EPHB4: variants seen among roughly 807,000 people sequenced by gnomAD.
EPHB4 encodes EPH receptor B4, also known as ephrin type-B receptor 4.
A neutral mutation model predicts 110.6 loss-of-function variants in EPHB4; 50 were observed. The observed-to-expected ratio is 0.45, with a 90% CI of 0.36 to 0.57. EPHB4 has a LOEUF of 0.57. Among genes scored for constraint, EPHB4 ranks in the 20% least tolerant of loss-of-function variants. The probability of loss-of-function intolerance (pLI) is 0.00; values close to 1 mark genes in which losing one functional copy is unlikely to be tolerated. For synonymous variants in EPHB4, 592 were observed against 578.4 expected, an observed-to-expected ratio of 1.02 and a Z score of -0.34; for missense variants, 1,128 against 1,382.1, an observed-to-expected ratio of 0.82 and a Z score of 2.91.
intron 8 of EPHB4, among the ~76,000 whole-genome samples, chr7:100,815,757 C>T (rs1216271320): frequency 6.6e-6 from 1 of 152,068 alleles, no homozygotes; most frequent in South Asian, 2.1e-4. Flanking sequence ...GAGGCCGATG[C>T]GGGAGGATTG....
rs564441572 is a variant in EPHB4 at position 100,819,179 on chromosome 7, C to G, written c.1297+378G>C. 7.2e-5 allele frequency among the ~76,000 whole-genome samples: 11 copies of G among 152,314 alleles called. No individual in the cohort carries two copies. In the South Asian group the frequency reaches 2.3e-3, roughly 32 times the overall value. On this transcript the variant is annotated intron_variant, in intron 6 of 16. Coordinates refer to ENST00000358173, the MANE Select transcript of EPHB4 (RefSeq NM_004444.5). ...CCAGGCTGGCATGCAGCGGTGCGAT[C>G]ATAGCTCACTGCAGCCTCCGACTCC...
At position 100,805,612 on chromosome 7, in the gene EPHB4, C is replaced by G; in HGVS notation, c.2567G>C (p.Cys856Ser). The G allele has an allele frequency of 1.9e-6, 3 of 1,564,334 alleles. No homozygotes were observed. The highest frequency in any genetic ancestry group is 2.6e-6 in the Non-Finnish European group (3 of 1,156,072). ...PTSLHQLMLD[C>S]WQKDRNARPR... ...CCGGGCATTCCGGTCTTTCTGCCAA[C>G]AGTCCAGCATGAGCTGGTGGAGGGA... is the stretch of plus-strand genomic sequence containing the variant. Residue 856 changes from cysteine to serine, a missense_variant, in exon 15 of 17, where the codon TGT (cysteine) becomes TCT (serine). Cys to Ser is a moderately radical substitution (Grantham distance 112). Around this residue, in one of 3 missense-constraint regions of EPHB4, gnomAD observed 209 missense variants for 240.5 expected, o/e 0.87. Transcript: ENST00000358173.
At chr7:100,820,883 T>G (rs925152747) in intron 4 of EPHB4, 1 of 151,820 alleles carries the variant, frequency 6.6e-6, no homozygotes, top group African/African-American at 2.4e-5. Context: ...TTTTTTTTTT[T>G]CCTGAGAAGG....
chr7:100,822,208 T>C lies in EPHB4; in HGVS notation c.808+63A>G. On this transcript the variant is annotated intron_variant, in intron 4 of 16. Transcript: ENST00000358173. The surrounding 1 kb of genome is among the most constrained non-coding windows in gnomAD (Gnocchi z 4.7). ...AAATGGAAACTTAAGAAGTGGGTCC[T>C]GAGTGGAGTTCAGGACTCTCCCCCG... The C allele has an allele frequency of 6.7e-7, 1 of 1,500,804 alleles. No individual in the cohort carries two copies. The highest frequency in any genetic ancestry group is 8.9e-7 in the Non-Finnish European group (1 of 1,125,428). The allele number at this position is 1,500,804 out of a possible 1,614,324, so 93.0% of individuals were successfully genotyped here.
Position 100,823,440 on chromosome 7 carries a change from G to A in EPHB4, c.411+204C>T, listed in dbSNP as rs60141004. On this transcript the variant is annotated intron_variant, in intron 3 of 16. Coordinates refer to ENST00000358173, the MANE Select transcript of EPHB4 (RefSeq NM_004444.5). ...GAAGCCTGACCCTTGGGCCTCCCTG[G>A]GGGCCGGGCCAGGCAGCCCCCGTAT... Among the ~76,000 whole-genome samples the A allele has an allele frequency of 9.2e-3, 1,394 of 152,250 alleles. 21 individuals are homozygous for A. Among genetic ancestry groups the A allele is most frequent in the African/African-American group, 0.032 (1,333 of 41,540 alleles).
rs370384624 is a variant in EPHB4 at position 100,805,329 on chromosome 7, G to T, written c.2679-8C>A. ...AGGAGAGGGTGTGAGGCCCTAGGGG[G>T]CAAGGATGGGGAGGAATGCTGAGTA... On this transcript the variant is annotated splice_region_variant and splice_polypyrimidine_tract_variant and intron_variant, in intron 15 of 16. Coordinates refer to ENST00000358173, the MANE Select transcript of EPHB4 (RefSeq NM_004444.5). 2.2e-5 allele frequency: 36 copies of T among 1,613,544 alleles called. No homozygotes were observed. Among genetic ancestry groups the T allele is most frequent in the Non-Finnish European group, 2.9e-5 (34 of 1,179,806 alleles).
chr7:100,822,925 T>G lies in EPHB4; in HGVS notation c.412-258A>C. ...TCGTTCTACAAACATTTACTGACAC[T>G]GACGCCATGCCAGGCCTTGACCTCA... On this transcript the variant is annotated intron_variant, in intron 3 of 16. Coordinates refer to ENST00000358173, the MANE Select transcript of EPHB4 (RefSeq NM_004444.5). This position sits in a 1 kb window ranked among gnomAD's most constrained non-coding sequence, Gnocchi z 4.7. Among the ~76,000 whole-genome samples the G allele has an allele frequency of 6.6e-6, 1 of 152,128 alleles. No homozygotes were observed. The highest frequency in any genetic ancestry group is 2.4e-5 in the African/African-American group (1 of 41,434).
At position 100,818,500 on chromosome 7, in the gene EPHB4, G is replaced by C; in HGVS notation, c.1422+20C>G. On this transcript the variant is annotated intron_variant, in intron 7 of 16. Transcript: ENST00000358173. Reference sequence around the variant, plus strand: ...CACAACCCATTGCCCACCCACCCCAGGGCTGGGGGATGGCCTTACCTTCTC... The same window carrying C: ...CACAACCCATTGCCCACCCACCCCACGGCTGGGGGATGGCCTTACCTTCTC... The C allele has an allele frequency of 6.2e-7, 1 of 1,613,174 alleles. No individual in the cohort carries two copies. The highest frequency in any genetic ancestry group is 1.1e-5 in the South Asian group (1 of 91,048).
Position 100,806,408 on chromosome 7 carries a change from C to T in EPHB4, c.2484+12G>A, listed in dbSNP as rs1230765483. On this transcript the variant is annotated intron_variant, in intron 14 of 16. Transcript: ENST00000358173. ...ACTCGAGGAAAGCTTGGTAGGACCA[C>T]GGGACACTTACGTCCTGATTGCTCA... is the stretch of plus-strand genomic sequence containing the variant. 20 of 1,608,744 alleles carry T rather than the reference C, an allele frequency of 1.2e-5. No homozygotes were observed. Among genetic ancestry groups the T allele is most frequent in the Middle Eastern group, 1.7e-4 (1 of 6,034 alleles).
At chr7:100,817,922 A>G (rs112318031) in intron 7 of EPHB4, among the ~76,000 whole-genome samples, 3,776 of 117,722 alleles carry the variant, frequency 0.032, 152 homozygotes, top group African/African-American at 0.11. Context: ...GCCGGACTGC[A>G]GTGGCGCTAT....
intron 1 of EPHB4, 94 bp from the exon 2 acceptor site, chr7:100,824,367 T>G: frequency 7.4e-7 from 1 of 1,343,314 alleles, no homozygotes; most frequent in Non-Finnish European, 1.1e-6. Context: ...TGGATCCTCT[T>G]AGCTCTGAGC....
intron 4 of EPHB4, chr7:100,821,346 T>C (rs1813226057): frequency 6.6e-6 from 1 of 151,802 alleles, no homozygotes; most frequent in South Asian, 2.1e-4. Flanking sequence ...AAAGTTTTTG[T>C]AATCCGGGTG....
At chr7:100,819,459 C>T (rs1813163232) in intron 6 of EPHB4, 98 bp downstream of exon 6, 2 of 1,386,240 alleles carry the variant, frequency 1.4e-6, no homozygotes, top group Non-Finnish European at 2.0e-6. Context: ...CCTCACACTT[C>T]CGGGGTACCC....
rs1813427391 is a variant in EPHB4, at chr7:100,827,098, T to C, written c.-68A>G. On this transcript the variant is annotated 5_prime_UTR_variant, in exon 1 of 17. Coordinates refer to ENST00000358173, the MANE Select transcript of EPHB4 (RefSeq NM_004444.5). ...GCCCTCGCCCCCCCAGGTCTGACTC[T>C]CCCTGGGCGGGTGGACGCCGATACT... 2.0e-6 allele frequency: 3 copies of C among 1,503,554 alleles called. No individual in the cohort carries two copies. In the African/African-American group the frequency reaches 4.2e-5, roughly 21 times the overall value. The allele number at this position is 1,503,554 out of a possible 1,614,324, so 93.1% of individuals were successfully genotyped here. A position where few individuals can be genotyped will look rare whatever the true frequency, so the allele number is the denominator to read the frequency against.
Position 100,805,513 on chromosome 7 carries a change from C to G in EPHB4, c.2666G>C (p.Arg889Pro). ...RNPASLKIVA[R>P]ENGGASHPLL... ...CTGCAGTCCTCACCCGCCATTCTCC[C>G]GGGCCACGATTTTGAGGCTGGCGGG... The change falls in exon 15 of 17, where the codon CGG (arginine) becomes CCG (proline). Residue 889 changes from arginine to proline, a missense_variant. By Grantham distance (103) the Arg-to-Pro change is moderately radical. Transcript: ENST00000358173. The G allele has an allele frequency of 6.6e-7, 1 of 1,521,434 alleles. No homozygotes were observed. Among genetic ancestry groups the G allele is most frequent in the African/African-American group, 1.4e-5 (1 of 72,016 alleles). The allele number at this position is 1,521,434 out of a possible 1,614,324, so 94.2% of individuals were successfully genotyped here. A position where few individuals can be genotyped will look rare whatever the true frequency, so the allele number is the denominator to read the frequency against.
At chr7:100,826,936 C>T in intron 1 of EPHB4, 43 bp downstream of exon 1, 1 of 1,537,578 alleles carries the variant, frequency 6.5e-7, no homozygotes, top group Non-Finnish European at 8.8e-7. Context: ...GGGGGGAGGT[C>T]CCAGGAGTGA....
intron 14 of EPHB4, 134 bp from the exon 15 acceptor site, chr7:100,805,828 C>A (rs1485194806): frequency 2.3e-6 from 2 of 878,922 alleles, no homozygotes; most frequent in African/African-American, 3.5e-5. Flanking sequence ...ATCCAGGAAT[C>A]CTCCTAGCCG....
rs1249452847 is a variant in EPHB4 at position 100,823,624 on chromosome 7, C to A, written c.411+20G>T. 1.2e-6 allele frequency: 2 copies of A among 1,607,270 alleles called. No homozygotes were observed. The highest frequency in any genetic ancestry group is 3.3e-5 in the Admixed American group (2 of 59,870). On this transcript the variant is annotated intron_variant, in intron 3 of 16. Transcript: ENST00000358173. The stretch of plus-strand genomic sequence containing the variant: ...GAATCCCACCTTGGCTGTGGCTGAG[C>A]CCTGGGGGCACCCAGGTACCTTGAT...
chr7:100,814,371 C>T (rs903383860), intron 8 of EPHB4, among the ~76,000 whole-genome samples: 6 of 152,126 alleles, frequency 3.9e-5, no homozygotes, highest in Middle Eastern at 3.2e-3. Context: ...CTCCGCCTCC[C>T]GGGTTCTGCG....
Sources: gnomAD v4.1 joint callset for allele counts (sites outside exome capture counted in the v4.1 genomes callset) on GRCh38, gnomAD v4.1.1 for gene constraint, gnomAD v4.1.1 regional missense constraint, Gnocchi (gnomAD v3.1) non-coding constraint, MANE v1.5 for transcripts, NCBI Gene and HGNC (gene_info 2026-07-23, HGNC 2026-07-21) for gene names.